The following DOK5 variants were observed in gnomAD, a reference collection of about 807,000 sequenced individuals.
DOK5 encodes downstream of tyrosine kinase 5.
In DOK5, 27 loss-of-function variants were observed where a neutral mutation model predicts 43.3. That is an observed-to-expected ratio of 0.62 (90% CI 0.46 to 0.86). The LOEUF (loss-of-function observed/expected upper bound fraction) is 0.86, where lower values mean the gene tolerates loss of function less well. Ranked by LOEUF, DOK5 falls within the 40% of genes least tolerant of loss-of-function variation. The pLI, the probability that DOK5 is intolerant of heterozygous loss-of-function variation, is 0.00. For synonymous variants in DOK5, 146 were observed against 140.1 expected (o/e 1.04, Z -0.30); for missense variants, 373 against 392.9 (o/e 0.95, Z 0.43).
intron 6 of DOK5, among the ~76,000 whole-genome samples, chr20:54,614,334 A>G (rs982936370): frequency 1.2e-4 from 18 of 152,186 alleles, no homozygotes; most frequent in African/African-American, 4.3e-4. Context: ...ATGGATGGAG[A>G]GAGACAGAGG....
At chr20:54,477,019 C>A (rs765147350) in intron 1 of DOK5, among the ~76,000 whole-genome samples, 1 of 121,144 alleles carries the variant, frequency 8.3e-6, no homozygotes, top group Non-Finnish European at 1.6e-5. Context: ...TGCGTTTGGA[C>A]ATAAGGGGTG....
intron 6 of DOK5, among the ~76,000 whole-genome samples, chr20:54,623,089 A>C (rs1292889631): frequency 6.6e-6 from 1 of 152,114 alleles, no homozygotes. Context: ...AGCAAATTGG[A>C]ACGCGTAGTC....
chr20:54,600,516 A>G (rs897234332), intron 5 of DOK5, among the ~76,000 whole-genome samples: 5 of 152,130 alleles, frequency 3.3e-5, no homozygotes, highest in Admixed American at 3.3e-4. Context: ...GCAAGCAAAG[A>G]AGTGCATGGG....
intron 6 of DOK5, among the ~76,000 whole-genome samples, chr20:54,630,036 A>G (rs945803458): frequency 7.3e-5 from 11 of 151,110 alleles, no homozygotes; most frequent in Non-Finnish European, 1.6e-4. Flanking sequence ...TTGCGTAGTC[A>G]TTGGAGGGTT....
chr20:54,581,159 C>T (rs556992256), intron 2 of DOK5, among the ~76,000 whole-genome samples: 1 of 152,134 alleles, frequency 6.6e-6, no homozygotes, highest in East Asian at 1.9e-4. Context: ...ATAAACTTGG[C>T]ACCCTTGTGA....
chr20:54,524,573 A>G (rs1455882434), intron 1 of DOK5, among the ~76,000 whole-genome samples: 2 of 152,182 alleles, frequency 1.3e-5, no homozygotes, highest in Non-Finnish European at 2.9e-5. Flanking sequence ...AGCTATGAAG[A>G]TGTTGGTTGT....
chr20:54,551,233 T>G (rs770729940), intron 1 of DOK5, among the ~76,000 whole-genome samples: 1 of 152,206 alleles, frequency 6.6e-6, no homozygotes, highest in Non-Finnish European at 1.5e-5. Flanking sequence ...TTTTGCCCAT[T>G]TTGTCATTAG....
chr20:54,573,417 G>T (rs1370324295), intron 2 of DOK5, among the ~76,000 whole-genome samples: 2 of 152,158 alleles, frequency 1.3e-5, no homozygotes, highest in Non-Finnish European at 2.9e-5. Context: ...GCGAGGCGCG[G>T]TGGCTCATGC....
chr20:54,504,730 T>G (rs1284759734), intron 1 of DOK5, among the ~76,000 whole-genome samples: 2 of 152,168 alleles, frequency 1.3e-5, no homozygotes, highest in Non-Finnish European at 2.9e-5. Context: ...AAGAGTGATT[T>G]TATTTATCTG....
chr20:54,616,235 C>G (rs1208867500), intron 6 of DOK5, among the ~76,000 whole-genome samples: 1 of 152,174 alleles, frequency 6.6e-6, no homozygotes. Flanking sequence ...TATTAGGGCT[C>G]AAATTTGGAA....
intron 6 of DOK5, among the ~76,000 whole-genome samples, chr20:54,627,496 G>A (rs924895687): frequency 2.6e-5 from 4 of 152,180 alleles, no homozygotes; most frequent in South Asian, 4.1e-4. Flanking sequence ...AAGTCAGGAC[G>A]GGAACCAAAA....
At chr20:54,549,184 A>G (rs1156787161) in intron 1 of DOK5, among the ~76,000 whole-genome samples, 1 of 152,172 alleles carries the variant, frequency 6.6e-6, no homozygotes, top group Non-Finnish European at 1.5e-5. Flanking sequence ...CAGATAAAAT[A>G]CCTGAAAACA....
intron 1 of DOK5, among the ~76,000 whole-genome samples, chr20:54,550,573 G>A (rs936000242): frequency 2.6e-5 from 4 of 152,078 alleles, no homozygotes; most frequent in Admixed American, 6.6e-5. Flanking sequence ...TCAGACCATC[G>A]TTAATCTGTT....
At chr20:54,527,762 G>A (rs1378078287) in intron 1 of DOK5, among the ~76,000 whole-genome samples, 1 of 152,178 alleles carries the variant, frequency 6.6e-6, no homozygotes, top group Non-Finnish European at 1.5e-5. Context: ...GTGTATCCTT[G>A]CAGTGGAAAG....
At position 54,557,159 on chromosome 20, in the gene DOK5, A is replaced by G. The variant is rs1317739250; in HGVS notation, c.174+2119A>G. ...AGTCTGTTCGAAACACTTATATCAC[A>G]TCACGATATTCTTTGCTGCAACACC... On this transcript the variant is annotated intron_variant, in intron 2 of 7. Coordinates refer to ENST00000262593, the MANE Select transcript of DOK5 (RefSeq NM_018431.5). 3.3e-5 allele frequency among the ~76,000 whole-genome samples: 5 copies of G among 152,088 alleles called. No homozygotes were observed. In the South Asian group the frequency reaches 6.2e-4, roughly 19 times the overall value.
chr20:54,543,828 A>C (rs1457741896), intron 1 of DOK5, among the ~76,000 whole-genome samples: 1 of 152,056 alleles, frequency 6.6e-6, no homozygotes, highest in Non-Finnish European at 1.5e-5. Context: ...AATGATGGAA[A>C]CCTCTAGTTT....
chr20:54,494,409 G>T (rs1982309083), intron 1 of DOK5, among the ~76,000 whole-genome samples: 1 of 152,200 alleles, frequency 6.6e-6, no homozygotes, highest in Non-Finnish European at 1.5e-5. Flanking sequence ...GATTGAGCTA[G>T]ACCTGTGTGG....
chr20:54,499,251 T>A (rs1057212725), intron 1 of DOK5, among the ~76,000 whole-genome samples: 1 of 152,266 alleles, frequency 6.6e-6, no homozygotes, highest in South Asian at 2.1e-4. Context: ...TCATCCTTTT[T>A]AATTCTCTTT....
At chr20:54,579,875 C>T (rs908670772) in intron 2 of DOK5, among the ~76,000 whole-genome samples, 3 of 152,056 alleles carry the variant, frequency 2.0e-5, no homozygotes, top group Admixed American at 1.3e-4. Context: ...TGGTTGGCTG[C>T]ACCCATCAAC....
Sources: allele counts gnomAD v4.1 joint callset (sites outside exome capture counted in the v4.1 genomes callset), GRCh38; gene constraint gnomAD v4.1.1; transcripts MANE v1.5; gene names NCBI Gene and HGNC (gene_info 2026-07-23, HGNC 2026-07-21).